ZNF385D: variants seen among roughly 807,000 people sequenced by gnomAD.
ZNF385D encodes the protein zinc finger protein 385D, also known as zinc finger protein 659.
ZNF385D carries 15 observed loss-of-function variants against 35.8 expected under a neutral mutation model. That is an observed-to-expected ratio of 0.42 (90% confidence interval 0.28 to 0.64). The LOEUF (loss-of-function observed/expected upper bound fraction) is 0.64, where lower values mean the gene tolerates loss of function less well. Among genes scored for constraint, ZNF385D ranks in the 30% least tolerant of loss-of-function variants. The probability of loss-of-function intolerance (pLI) is 0.23; values close to 1 mark genes in which losing one functional copy is unlikely to be tolerated. For synonymous variants in ZNF385D, 212 were observed against 186.8 expected, an observed-to-expected ratio of 1.13 and a Z score of -1.10; for missense variants, 474 against 494.6, an observed-to-expected ratio of 0.96 and a Z score of 0.39.
chr3:21,745,210 A>G (rs1205042501), intron 1 of ZNF385D, among the ~76,000 whole-genome samples: 4 of 152,138 alleles, frequency 2.6e-5, no homozygotes, highest in African/African-American at 9.7e-5. Context: ...TTCCTTTCTG[A>G]CCTTGGCCAG....
intron 2 of ZNF385D, among the ~76,000 whole-genome samples, chr3:22,303,960 T>C (rs760529681): frequency 2.6e-5 from 4 of 152,140 alleles, no homozygotes; most frequent in Non-Finnish European, 5.9e-5. Flanking sequence ...GTATTTTTAG[T>C]AGAGACAGGG....
intron 2 of ZNF385D, among the ~76,000 whole-genome samples, chr3:22,278,046 C>T (rs956622622): frequency 1.6e-4 from 25 of 152,080 alleles, no homozygotes; most frequent in Non-Finnish European, 3.4e-4. Flanking sequence ...ATCTCCACCA[C>T]TGCACTTCTT....
intron 3 of ZNF385D, among the ~76,000 whole-genome samples, chr3:22,107,501 TATAAA>T (rs1702289249): frequency 6.6e-6 from 1 of 152,130 alleles, no homozygotes; most frequent in Non-Finnish European, 1.5e-5. Context: ...GATTTTCTGA[TATAAA>T]ATAGGGTAAT....
At chr3:22,097,004 T>C (rs1701668995) in intron 3 of ZNF385D, among the ~76,000 whole-genome samples, 1 of 152,084 alleles carries the variant, frequency 6.6e-6, no homozygotes, top group Admixed American at 6.6e-5. Context: ...TCAGTTACCA[T>C]GCTGTAAGCA....
At chr3:21,812,366 C>T (rs1417858966) in intron 3 of ZNF385D, among the ~76,000 whole-genome samples, 2 of 152,194 alleles carry the variant, frequency 1.3e-5, no homozygotes, top group Non-Finnish European at 2.9e-5. Context: ...GTGGGGGCAG[C>T]CCATGGAGTG....
At chr3:22,262,758 G>A (rs1465541974) in intron 2 of ZNF385D, among the ~76,000 whole-genome samples, 2 of 151,240 alleles carry the variant, frequency 1.3e-5, no homozygotes, top group South Asian at 2.1e-4. Flanking sequence ...GTTGTTTTGA[G>A]GATTAAAAAA....
chr3:22,323,017 C>T lies in ZNF385D; in HGVS notation c.106+49433G>A, dbSNP rs865872683. ...TGTAGGACTGTAGGTAACCGTACTC[C>T]TGAAAACGATAGAAAGCAGGCAATC... On this transcript the variant is annotated intron_variant, in intron 2 of 5. Coordinates refer to the ZNF385D transcript ENST00000494108. 3.3e-5 allele frequency among the ~76,000 whole-genome samples: 5 copies of T among 152,078 alleles called. No homozygotes were observed. In the South Asian group the frequency reaches 1.0e-3, roughly 32 times the overall value.
chr3:21,638,456 G>C (rs2065510727), intron 2 of ZNF385D, among the ~76,000 whole-genome samples: 1 of 152,030 alleles, frequency 6.6e-6, no homozygotes, highest in African/African-American at 2.4e-5. Context: ...CCTCAGCTGT[G>C]ATACAAACCC....
intron 1 of ZNF385D, among the ~76,000 whole-genome samples, chr3:21,735,014 C>T (rs2069180374): frequency 6.6e-6 from 1 of 152,058 alleles, no homozygotes; most frequent in Non-Finnish European, 1.5e-5. Context: ...ACCCTTTTAT[C>T]CCCACAGCTA....
In ZNF385D at chr3:21,477,996, G is replaced by C. The variant is rs1322594222; in HGVS notation, c.439+32865C>G. 1.3e-5 allele frequency among the ~76,000 whole-genome samples: 2 copies of C among 152,070 alleles called. 1 individual carries two copies. The highest frequency in any genetic ancestry group is 4.8e-5 in the African/African-American group (2 of 41,426). Reference sequence around the variant, plus strand: ...TTCCAGAGACAATCAGAATCTTCAGGAATGTGCATTAAAATGTCCTTGGCT... The same window carrying C: ...TTCCAGAGACAATCAGAATCTTCAGCAATGTGCATTAAAATGTCCTTGGCT... On this transcript the variant is annotated intron_variant, in intron 4 of 7. Transcript: ENST00000281523.
At chr3:22,187,728 G>C (rs753572947) in intron 2 of ZNF385D, among the ~76,000 whole-genome samples, 13 of 152,116 alleles carry the variant, frequency 8.5e-5, no homozygotes, top group Non-Finnish European at 1.8e-4. Flanking sequence ...TATAACTTGT[G>C]GAGTAAAATA....
intron 3 of ZNF385D, among the ~76,000 whole-genome samples, chr3:21,817,061 C>A (rs939128133): frequency 6.6e-6 from 1 of 152,052 alleles, no homozygotes; most frequent in Non-Finnish European, 1.5e-5. Flanking sequence ...TTTGACAAAC[C>A]TGACAAAAAC....
intron 3 of ZNF385D, among the ~76,000 whole-genome samples, chr3:21,965,722 C>T: frequency 6.6e-6 from 1 of 152,096 alleles, no homozygotes; most frequent in East Asian, 1.9e-4. Flanking sequence ...ATTAAATTTC[C>T]TGATGTTGAT....
intron 3 of ZNF385D, among the ~76,000 whole-genome samples, chr3:21,543,991 A>ATT (rs935501830): frequency 2.6e-5 from 4 of 152,012 alleles, no homozygotes; most frequent in African/African-American, 9.7e-5. Context: ...TAGCGACTGG[A>ATT]TTTTTTTGTG....
In ZNF385D at chr3:22,207,941, G is replaced by T. The variant is rs1370637924; in HGVS notation, c.107-38906C>A. Among the ~76,000 whole-genome samples, 3 of 151,834 alleles carry T rather than the reference G, an allele frequency of 2.0e-5. No homozygotes were observed. In the Admixed American group the frequency reaches 2.0e-4, roughly 10 times the overall value. Reference sequence around the variant, plus strand: ...AAGATAGACAATAACAAATACTAGGGAGGATTGGAGAAAAGGGAACCCATG... The same window carrying T: ...AAGATAGACAATAACAAATACTAGGTAGGATTGGAGAAAAGGGAACCCATG... On this transcript the variant is annotated intron_variant, in intron 2 of 5. Transcript: ENST00000494108.
intron 2 of ZNF385D, among the ~76,000 whole-genome samples, chr3:21,612,547 G>T (rs1023256161): frequency 3.9e-5 from 6 of 152,190 alleles, no homozygotes; most frequent in African/African-American, 1.4e-4. Flanking sequence ...CCTTGTGGGA[G>T]AACCTATTCA....
chr3:21,439,132 A>AT (rs893388064), intron 4 of ZNF385D, among the ~76,000 whole-genome samples: 6 of 152,032 alleles, frequency 3.9e-5, no homozygotes, highest in Non-Finnish European at 8.8e-5. Flanking sequence ...AAATAATTTC[A>AT]TTTTTTATTG....
rs192797072 is a variant in ZNF385D, at chr3:21,869,447, A to G, written c.326-204419T>C. Among the ~76,000 whole-genome samples, 9 of 152,236 alleles carry G rather than the reference A, an allele frequency of 5.9e-5. No individual in the cohort carries two copies. The East Asian group carries it at 1.7e-3, about 29-fold the overall frequency. On this transcript the variant is annotated intron_variant, in intron 3 of 5. Transcript: ENST00000494108. Reference sequence around the variant, plus strand: ...TCAGCACATCTTTCCTAAAGTGGGAATATATATTGCATTTAGAGAGTAACC... The same window carrying G: ...TCAGCACATCTTTCCTAAAGTGGGAGTATATATTGCATTTAGAGAGTAACC...
At chr3:21,966,742 C>T (rs534861795) in intron 3 of ZNF385D, among the ~76,000 whole-genome samples, 60 of 152,218 alleles carry the variant, frequency 3.9e-4, no homozygotes, top group African/African-American at 1.2e-3. Context: ...CCACCACGCC[C>T]AGCTAATTTT....
Sources: gnomAD v4.1 joint callset for allele counts (sites outside exome capture counted in the v4.1 genomes callset) on GRCh38, gnomAD v4.1.1 for gene constraint, MANE v1.5 for transcripts, NCBI Gene and HGNC (gene_info 2026-07-23, HGNC 2026-07-21) for gene names.